Variants in UNC5D observed in about 807,000 individuals in gnomAD.
UNC5D encodes the protein unc-5 netrin receptor D.
Under a neutral mutation model 105.4 loss-of-function variants are expected in UNC5D, and 39 were observed. That is an observed-to-expected ratio of 0.37 (90% CI 0.29 to 0.48). The LOEUF is 0.48. UNC5D is among the 20% of genes least tolerant of loss of function. The pLI is 0.98. For missense variants in UNC5D, 991 were observed against 1,202.4 expected, an observed-to-expected ratio of 0.82 and a Z score of 2.60; for synonymous variants, 452 against 450.4, an observed-to-expected ratio of 1.00 and a Z score of -0.04.
intron 1 of UNC5D, among the ~76,000 whole-genome samples, chr8:35,458,886 A>G (rs1006065001): frequency 6.6e-6 from 1 of 152,216 alleles, no homozygotes. Flanking sequence ...AGCATGGAGC[A>G]TCCTATAAAG....
At chr8:35,271,294 T>C (rs62503915) in intron 1 of UNC5D, among the ~76,000 whole-genome samples, 2,689 of 80,674 alleles carry the variant, frequency 0.033, 17 homozygotes, top group African/African-American at 0.064. Flanking sequence ...TATGTATATG[T>C]ATACACACAT....
intron 1 of UNC5D, among the ~76,000 whole-genome samples, chr8:35,475,834 G>T (rs1033794033): frequency 1.3e-5 from 2 of 152,114 alleles, no homozygotes; most frequent in Admixed American, 1.3e-4. Context: ...TGGGAAGTTT[G>T]CCACCCGTGT....
intron 4 of UNC5D, among the ~76,000 whole-genome samples, chr8:35,645,671 G>C (rs1296547147): frequency 6.6e-6 from 1 of 151,840 alleles, no homozygotes; most frequent in African/African-American, 2.4e-5. Flanking sequence ...ATTATGCAAA[G>C]GTCTTTGAAC....
chr8:35,696,172 G>A (rs968861902), intron 7 of UNC5D, among the ~76,000 whole-genome samples: 6 of 151,648 alleles, frequency 4.0e-5, no homozygotes, highest in African/African-American at 1.5e-4. Context: ...TTACTGTTCT[G>A]TTGTGAACCA....
intron 4 of UNC5D, among the ~76,000 whole-genome samples, chr8:35,651,301 G>A (rs377720032): frequency 1.3e-5 from 2 of 152,140 alleles, no homozygotes; most frequent in African/African-American, 4.8e-5. Flanking sequence ...AAAAAGTGTG[G>A]TTCAAGGGAA....
chr8:35,528,546 A>G (rs1256659932), intron 1 of UNC5D, among the ~76,000 whole-genome samples: 1 of 143,418 alleles, frequency 7.0e-6, no homozygotes, highest in African/African-American at 2.6e-5. Flanking sequence ...ATTTATAGTC[A>G]TTTGGGTATA....
At chr8:35,357,292 T>C (rs1476952418) in intron 1 of UNC5D, among the ~76,000 whole-genome samples, 1 of 152,220 alleles carries the variant, frequency 6.6e-6, no homozygotes, top group East Asian at 1.9e-4. Context: ...TGACAGCTGC[T>C]GCTTTCCTCT....
intron 4 of UNC5D, among the ~76,000 whole-genome samples, chr8:35,661,379 G>A (rs768547624): frequency 4.6e-5 from 7 of 152,242 alleles, no homozygotes; most frequent in East Asian, 3.9e-4. Flanking sequence ...TGGTTCTAAC[G>A]TCCTCTTTGT....
Position 35,759,426 on chromosome 8 carries a change from T to C in UNC5D, c.2270T>C (p.Ile757Thr), listed in dbSNP as rs763939022. 6.2e-7 allele frequency: 1 copy of C among 1,613,974 alleles called. No homozygotes were observed. The highest frequency in any genetic ancestry group is 1.3e-5 in the African/African-American group (1 of 74,938). Residue 757 changes from isoleucine to threonine, a missense_variant, in exon 14 of 17, where the codon ATT (isoleucine) becomes ACT (threonine). Ile to Thr is a moderately conservative substitution (Grantham distance 89). Coordinates refer to ENST00000404895, the MANE Select transcript of UNC5D (RefSeq NM_080872.4). The stretch of plus-strand genomic sequence containing the variant: ...AGTCTTCAGATTTCTGTCCTTGATA[T>C]TCCCCCATTCCTCTGGAGAATTAAA... ...TFSLQISVLD[I>T]PPFLWRIKPF... is the part of the protein sequence containing the mutation.
chr8:35,600,237 A>G (rs904906848), intron 4 of UNC5D, among the ~76,000 whole-genome samples: 2 of 152,184 alleles, frequency 1.3e-5, no homozygotes, highest in Non-Finnish European at 2.9e-5. Context: ...AGTCTTTGCT[A>G]TTGTGAATAG....
At chr8:35,543,258 GA>G (rs1242787035) in intron 1 of UNC5D, among the ~76,000 whole-genome samples, 3 of 151,914 alleles carry the variant, frequency 2.0e-5, no homozygotes, top group Admixed American at 6.6e-5. Flanking sequence ...CAGAAAAGGA[GA>G]AAAAAAGTGA....
At chr8:35,657,852 G>A (rs1336895661) in intron 4 of UNC5D, among the ~76,000 whole-genome samples, 1 of 152,064 alleles carries the variant, frequency 6.6e-6, no homozygotes, top group Non-Finnish European at 1.5e-5. Flanking sequence ...ATCTAGAGAG[G>A]GGAACTTTTA....
At chr8:35,701,715 A>C (rs903855291) in intron 7 of UNC5D, among the ~76,000 whole-genome samples, 2 of 152,130 alleles carry the variant, frequency 1.3e-5, no homozygotes, top group Non-Finnish European at 2.9e-5. Context: ...CAGATTGCAG[A>C]ACAATACATA....
At chr8:35,624,891 C>G (rs1376774804) in intron 4 of UNC5D, among the ~76,000 whole-genome samples, 1 of 152,086 alleles carries the variant, frequency 6.6e-6, no homozygotes, top group Admixed American at 6.6e-5. Context: ...CTACATAAAC[C>G]TACTTGTTAA....
intron 7 of UNC5D, among the ~76,000 whole-genome samples, chr8:35,695,885 C>T (rs1178912381): frequency 6.6e-6 from 1 of 151,988 alleles, no homozygotes; most frequent in Non-Finnish European, 1.5e-5. Flanking sequence ...CAGGTGTGTG[C>T]CACCATGCCT....
chr8:35,630,726 C>T (rs1332232020), intron 4 of UNC5D, among the ~76,000 whole-genome samples: 3 of 152,114 alleles, frequency 2.0e-5, no homozygotes, highest in East Asian at 1.9e-4. Flanking sequence ...TAAATCTCCC[C>T]GCATCTACTT....
chr8:35,490,405 A>G (rs1398295981), intron 1 of UNC5D, among the ~76,000 whole-genome samples: 1 of 152,152 alleles, frequency 6.6e-6, no homozygotes, highest in African/African-American at 2.4e-5. Flanking sequence ...GTACTGGTGC[A>G]TGCTTGTAGT....
intron 1 of UNC5D, among the ~76,000 whole-genome samples, chr8:35,380,478 A>G (rs1457478181): frequency 6.6e-6 from 1 of 152,124 alleles, no homozygotes; most frequent in African/African-American, 2.4e-5. Context: ...ACTTTTCCTC[A>G]TGTTTGAAAG....
At chr8:35,287,955 A>T (rs1248503495) in intron 1 of UNC5D, among the ~76,000 whole-genome samples, 1 of 152,180 alleles carries the variant, frequency 6.6e-6, no homozygotes, top group Non-Finnish European at 1.5e-5. Flanking sequence ...AAGAAGGCCT[A>T]TGAAAATTAT....
Sources: allele counts gnomAD v4.1 joint callset (sites outside exome capture counted in the v4.1 genomes callset), GRCh38; gene constraint gnomAD v4.1.1; transcripts MANE v1.5; gene names NCBI Gene and HGNC (gene_info 2026-07-23, HGNC 2026-07-21).